COL22A1: variants seen among roughly 807,000 people sequenced by gnomAD.
COL22A1 encodes the protein collagen alpha-1(XXII) chain.
In COL22A1, 221 loss-of-function variants were observed where a neutral mutation model predicts 248.9. That is an observed-to-expected ratio of 0.89 (90% CI 0.80 to 0.99). COL22A1 has a LOEUF of 0.99. Among genes scored for constraint, COL22A1 ranks in the 50% least tolerant of loss-of-function variants. The pLI, the probability that COL22A1 is intolerant of heterozygous loss-of-function variation, is 0.00. For missense variants in COL22A1, 2,240 were observed against 2,179.0 expected, an observed-to-expected ratio of 1.03 and a Z score of -0.56; for synonymous variants, 891 against 793.4, an observed-to-expected ratio of 1.12 and a Z score of -2.07.
intron 6 of COL22A1, among the ~76,000 whole-genome samples, chr8:138,823,283 C>T (rs756225856): frequency 2.0e-4 from 31 of 152,156 alleles, no homozygotes; most frequent in Non-Finnish European, 2.1e-4. Flanking sequence ...TTGCCAGGCA[C>T]TGTTCTAAAT....
At chr8:138,652,106 T>C (rs936911355) in intron 45 of COL22A1, among the ~76,000 whole-genome samples, 1 of 152,182 alleles carries the variant, frequency 6.6e-6, no homozygotes. Context: ...TCACCTTGGC[T>C]CCAGAGCTCC....
At chr8:138,697,374 TC>T (rs1297543792) in intron 32 of COL22A1, among the ~76,000 whole-genome samples, 2 of 152,142 alleles carry the variant, frequency 1.3e-5, no homozygotes, top group Non-Finnish European at 2.9e-5. Flanking sequence ...GACAGAGCCT[TC>T]CTAAGATAAC....
At chr8:138,608,473 A>G (rs993254317) in intron 56 of COL22A1, among the ~76,000 whole-genome samples, 26 of 152,156 alleles carry the variant, frequency 1.7e-4, no homozygotes, top group Admixed American at 1.6e-3. Flanking sequence ...CATTTAAAAT[A>G]CGTAGATACT....
chr8:138,778,385 G>A lies in COL22A1; in HGVS notation c.1726C>T (p.Leu576Phe), dbSNP rs774972282. Reference protein sequence around the residue: ...GMRGPQGPPGLPGPPGRVGAP... With the variant: ...GMRGPQGPPGFPGPPGRVGAP... ...CCGACACGTCCAGGAGGTCCGGGGAGTCCAGGTGGTCCTTGGGGCCCCTGC... is the reference window on the plus strand; with the variant it reads ...CCGACACGTCCAGGAGGTCCGGGGAATCCAGGTGGTCCTTGGGGCCCCTGC... Residue 576 changes from leucine to phenylalanine, a missense_variant, in exon 15 of 65, where the codon CTC (leucine) becomes TTC (phenylalanine). By Grantham distance (22) the Leu-to-Phe change is conservative (BLOSUM62 0). Transcript: ENST00000303045. 1 of 1,605,448 alleles carries A rather than the reference G, an allele frequency of 6.2e-7. No individual in the cohort carries two copies. The highest frequency in any genetic ancestry group is 1.1e-5 in the South Asian group (1 of 89,248).
chr8:138,900,703 G>T (rs1814483012), intron 1 of COL22A1, among the ~76,000 whole-genome samples: 1 of 152,150 alleles, frequency 6.6e-6, no homozygotes, highest in Non-Finnish European at 1.5e-5. Flanking sequence ...ACTATGCTTT[G>T]TGGTCTTTAG....
chr8:138,807,930 C>T, intron 9 of COL22A1, 118 bp from the exon 10 acceptor site: 1 of 977,310 alleles, frequency 1.0e-6, no homozygotes, highest in South Asian at 1.5e-5. Context: ...AAGCCCAGCG[C>T]CGACCAATGA....
chr8:138,805,232 TG>T (rs908913116), intron 10 of COL22A1, among the ~76,000 whole-genome samples: 20 of 129,828 alleles, frequency 1.5e-4, no homozygotes, highest in Non-Finnish European at 2.0e-4. Context: ...GTGTGTGAGA[TG>T]GTGTGTGATG....
At chr8:138,774,744 G>A (rs1814255781) in intron 16 of COL22A1, among the ~76,000 whole-genome samples, 2 of 152,142 alleles carry the variant, frequency 1.3e-5, no homozygotes, top group African/African-American at 2.4e-5. Context: ...GTGAAAAACT[G>A]GAAACAATTG....
chr8:138,603,246 C>T (rs754137351), intron 59 of COL22A1, among the ~76,000 whole-genome samples: 4 of 152,136 alleles, frequency 2.6e-5, no homozygotes, highest in Admixed American at 6.5e-5. Context: ...CATGAGGTGG[C>T]GGTGGGCATG....
intron 60 of COL22A1, among the ~76,000 whole-genome samples, chr8:138,601,049 C>T (rs1256302868): frequency 1.3e-5 from 2 of 152,158 alleles, no homozygotes; most frequent in Non-Finnish European, 2.9e-5. Flanking sequence ...GGCAAGCTCT[C>T]CGCCTATTGA....
At chr8:138,626,694 G>A (rs1240916637) in intron 50 of COL22A1, among the ~76,000 whole-genome samples, 5 of 152,030 alleles carry the variant, frequency 3.3e-5, no homozygotes, top group Non-Finnish European at 5.9e-5. Flanking sequence ...AGCTGACCGG[G>A]GTGCATGCAT....
chr8:138,594,411 G>A (rs886965860), intron 62 of COL22A1, among the ~76,000 whole-genome samples: 1 of 152,186 alleles, frequency 6.6e-6, no homozygotes, highest in Non-Finnish European at 1.5e-5. Flanking sequence ...CACATGTGCA[G>A]CATTTGTATG....
intron 18 of COL22A1, among the ~76,000 whole-genome samples, chr8:138,757,263 T>C (rs1375696194): frequency 6.6e-6 from 1 of 152,176 alleles, no homozygotes; most frequent in Non-Finnish European, 1.5e-5. Flanking sequence ...CTTATTCATA[T>C]CTTGGTAATA....
At chr8:138,631,123 G>A (rs1418652458) in intron 49 of COL22A1, among the ~76,000 whole-genome samples, 1 of 152,164 alleles carries the variant, frequency 6.6e-6, no homozygotes, top group Non-Finnish European at 1.5e-5. Flanking sequence ...AAGTCAAGAA[G>A]ATGCTGGTAT....
chr8:138,644,489 C>T lies in COL22A1; in HGVS notation c.3501+2140G>A, dbSNP rs961541654. On this transcript the variant is annotated intron_variant, in intron 47 of 64. Coordinates refer to ENST00000303045, the MANE Select transcript of COL22A1 (RefSeq NM_152888.3). ...AGGCCCCCCAACCAACTGTACAGAC[C>T]CCCTCTTGGCCAAGGAGACCCAGAA... is the stretch of plus-strand genomic sequence containing the variant. Among the ~76,000 whole-genome samples the T allele has an allele frequency of 2.0e-5, 3 of 151,088 alleles. No individual in the cohort carries two copies. The East Asian group carries it at 5.9e-4, about 30-fold the overall frequency.
chr8:138,612,851 G>T (rs564189335), intron 56 of COL22A1, among the ~76,000 whole-genome samples: 6 of 146,594 alleles, frequency 4.1e-5, no homozygotes, highest in Admixed American at 1.4e-4. Context: ...TAGGAGAATC[G>T]CTTGAGCCCA....
intron 1 of COL22A1, among the ~76,000 whole-genome samples, chr8:138,907,839 A>C (rs778576638): frequency 6.6e-6 from 1 of 152,158 alleles, no homozygotes; most frequent in Non-Finnish European, 1.5e-5. Flanking sequence ...CCACTCACAC[A>C]AGAACTAACC....
At chr8:138,591,252 G>A (rs556837738) in intron 64 of COL22A1, among the ~76,000 whole-genome samples, 172 bp downstream of exon 64, 4 of 152,172 alleles carry the variant, frequency 2.6e-5, no homozygotes, top group South Asian at 2.1e-4. Context: ...CAAGAAGGTC[G>A]TATTTTAGAA....
chr8:138,737,222 C>A (rs975784210), intron 23 of COL22A1, among the ~76,000 whole-genome samples: 4 of 152,194 alleles, frequency 2.6e-5, no homozygotes, highest in Admixed American at 6.5e-5. Context: ...ACCACCTCGT[C>A]CTGGGGTCCC....
Sources: gnomAD v4.1 joint callset for allele counts (sites outside exome capture counted in the v4.1 genomes callset) on GRCh38, gnomAD v4.1.1 for gene constraint, MANE v1.5 for transcripts, NCBI Gene and HGNC (gene_info 2026-07-23, HGNC 2026-07-21) for gene names.